Variants in MARK4 observed in about 807,000 individuals in gnomAD.
MARK4 encodes the protein microtubule affinity regulating kinase 4, also known as MAP/microtubule affinity-regulating kinase 4.
A neutral mutation model predicts 81.5 loss-of-function variants in MARK4; 19 were observed. That is an observed-to-expected ratio of 0.23 (90% confidence interval 0.16 to 0.34). MARK4 has a LOEUF of 0.34. MARK4 is among the 10% of genes least tolerant of loss of function. MARK4 has a pLI of 1.00. For missense variants in MARK4, 772 were observed against 1,058.8 expected (o/e 0.73, Z 3.76); for synonymous variants, 436 against 439.0 (o/e 0.99, Z 0.08).
chr19:45,298,076 C>T (rs1970914025), intron 15 of MARK4, 122 bp downstream of exon 15: 18 of 1,465,182 alleles, frequency 1.2e-5, no homozygotes, highest in Non-Finnish European at 1.6e-5. Context: ...TCCTCCTCCT[C>T]GTTTCCTCCT....
rs1203850303 is a variant in MARK4, at chr19:45,271,253, T to C, written c.550-219T>C. Among the ~76,000 whole-genome samples the C allele has an allele frequency of 1.3e-5, 2 of 152,184 alleles. No individual in the cohort carries two copies. Among genetic ancestry groups the C allele is most frequent in the East Asian group, 1.9e-4 (1 of 5,198 alleles). On this transcript the variant is annotated intron_variant, in intron 7 of 16. Coordinates refer to ENST00000262891, the MANE Select transcript of MARK4 (RefSeq NM_001199867.2). The surrounding 1 kb of genome is among the most constrained non-coding windows in gnomAD (Gnocchi z 4.1). ...TTAACTCATAATTCTCAAACTACGC[T>C]ATGAAATAGGAACTAAGATTATCCC...
intron 8 of MARK4, among the ~76,000 whole-genome samples, chr19:45,272,680 G>C (rs1970545084): frequency 6.6e-6 from 1 of 152,100 alleles, no homozygotes; most frequent in Non-Finnish European, 1.5e-5. Context: ...CTGAGGTCAG[G>C]AGTTCGAGAC....
At chr19:45,298,065 C>G (rs892387275) in intron 15 of MARK4, 111 bp downstream of exon 15, 5 of 1,543,158 alleles carry the variant, frequency 3.2e-6, no homozygotes, top group Admixed American at 3.7e-5. Flanking sequence ...CTTCCTCCTC[C>G]TCCTCCTCCT....
At chr19:45,263,403 C>T (rs1970405501) in intron 4 of MARK4, 36 bp downstream of exon 4, 1 of 1,613,626 alleles carries the variant, frequency 6.2e-7, no homozygotes, top group South Asian at 1.1e-5. Context: ...AGGCCACCAA[C>T]TGGAACACTT....
intron 15 of MARK4, 152 bp downstream of exon 15, chr19:45,298,106 T>A (rs1382484592): frequency 6.2e-7 from 1 of 1,602,654 alleles, no homozygotes; most frequent in African/African-American, 1.3e-5. Context: ...CCTTTCCTCC[T>A]CCCCTGTCAC....
intron 16 of MARK4, among the ~76,000 whole-genome samples, chr19:45,301,877 A>G (rs1970979180): frequency 6.6e-6 from 1 of 151,612 alleles, no homozygotes; most frequent in South Asian, 2.1e-4. Flanking sequence ...AAAAAAAAAA[A>G]AAAAAGAAAA....
intron 14 of MARK4, among the ~76,000 whole-genome samples, chr19:45,295,232 A>C (rs1599803193): frequency 6.6e-6 from 1 of 151,354 alleles, no homozygotes; most frequent in East Asian, 1.9e-4. Flanking sequence ...AGTGGTGGGC[A>C]CCTGTAGTCC....
At position 45,266,291 on chromosome 19, in the gene MARK4, C is replaced by G. The variant is rs765435325; in HGVS notation, c.549+10C>G. On this transcript the variant is annotated intron_variant, in intron 7 of 16. Transcript: ENST00000262891. ...ACACAGGGACCTGAAGGTAAGCCCC[C>G]GACCCGCTGTGATCTCAGGGACCAC... 2 of 1,613,568 alleles carry G rather than the reference C, an allele frequency of 1.2e-6. No individual in the cohort carries two copies. Among genetic ancestry groups the G allele is most frequent in the East Asian group, 2.2e-5 (1 of 44,888 alleles).
chr19:45,273,518 T>C (rs776915378), intron 8 of MARK4, among the ~76,000 whole-genome samples: 5 of 152,222 alleles, frequency 3.3e-5, no homozygotes, highest in Non-Finnish European at 5.9e-5. Context: ...CTATTTTTTT[T>C]TCCCAGTCGG....
rs557540583 is a variant in MARK4, at chr19:45,266,388, C to A, written c.549+107C>A. ...CGTGGCCTCCAGCAAATTCCTCCAG[C>A]CCTTTTCTCCTCCTGCTCTTCCCTC... On this transcript the variant is annotated intron_variant, in intron 7 of 16. Transcript: ENST00000262891. 4.4e-4 allele frequency: 445 copies of A among 1,022,436 alleles called. No individual in the cohort carries two copies. In the African/African-American group the frequency reaches 6.5e-3, roughly 15 times the overall value. 63.3% of individuals were successfully genotyped at this position (1,022,436 alleles called of 1,614,324 possible).
chr19:45,268,090 C>T (rs1970479120), intron 7 of MARK4, among the ~76,000 whole-genome samples: 1 of 152,058 alleles, frequency 6.6e-6, no homozygotes, highest in Admixed American at 6.6e-5. Context: ...GCCACTGTGC[C>T]CAGCCACAAA....
intron 2 of MARK4, among the ~76,000 whole-genome samples, chr19:45,262,079 C>T (rs1970387875): frequency 6.6e-6 from 1 of 152,126 alleles, no homozygotes; most frequent in South Asian, 2.1e-4. Flanking sequence ...CAAATCTGGG[C>T]CACAACTTAC....
rs920300845 is a variant in MARK4, at chr19:45,277,866, T to C, written c.787-57T>C. 5 of 1,393,246 alleles carry C rather than the reference T, an allele frequency of 3.6e-6. No homozygotes were observed. The South Asian group carries it at 6.5e-5, about 18-fold the overall frequency. 86.3% of individuals were successfully genotyped at this position (1,393,246 alleles called of 1,614,324 possible). On this transcript the variant is annotated intron_variant, in intron 8 of 16. Transcript: ENST00000262891. ...GTGTGTGTGTGTGTGTGTGTGTGTG[T>C]GTGTAATAGGTGGGGGGCGGGGCAG...
intron 14 of MARK4, 100 bp downstream of exon 14, chr19:45,294,552 T>A: frequency 9.8e-7 from 1 of 1,022,596 alleles, no homozygotes; most frequent in Admixed American, 2.0e-5. Context: ...GCTGGTGCCA[T>A]GGGGACCAGA....
rs60847753 is a variant in MARK4, at chr19:45,288,552, C to CA, written c.1494+905dup. ...TAGGTGACAGAGTGAGACTCCATTT[C>CA]AAAAAAAAAAAAAAAAAGCCAGGTG... On this transcript the variant is annotated intron_variant, in intron 13 of 16. Transcript: ENST00000262891. The CA allele has an allele frequency of 1.8e-3, 180 of 100,562 alleles. 2 individuals carry two copies. Among genetic ancestry groups the CA allele is most frequent in the Admixed American group, 4.9e-3 (43 of 8,722 alleles). 6.2% of individuals were successfully genotyped at this position (100,562 alleles called of 1,614,324 possible). A position where few individuals can be genotyped will look rare whatever the true frequency, so the allele number is the denominator to read the frequency against.
intron 6 of MARK4, 75 bp downstream of exon 6, chr19:45,264,985 C>A: frequency 1.4e-6 from 2 of 1,474,560 alleles, no homozygotes; most frequent in South Asian, 1.2e-5. Context: ...TGGGCATGGT[C>A]TGGGCTGTCC....
chr19:45,267,231 T>A (rs1970467413), intron 7 of MARK4, among the ~76,000 whole-genome samples: 1 of 152,116 alleles, frequency 6.6e-6, no homozygotes. Context: ...GCTATTTTTG[T>A]ATTTTTAGTA....
intron 4 of MARK4, 40 bp from the exon 5 acceptor site, chr19:45,264,644 C>G (rs1302615006): frequency 6.3e-7 from 1 of 1,599,812 alleles, no homozygotes; most frequent in Non-Finnish European, 8.6e-7. Context: ...AGGAGGGGCC[C>G]TTTCTCCCTA....
At chr19:45,282,337 A>AT (rs1462698914) in intron 12 of MARK4, among the ~76,000 whole-genome samples, 1 of 151,456 alleles carries the variant, frequency 6.6e-6, no homozygotes, top group African/African-American at 2.4e-5. Flanking sequence ...CCTCTCTTCT[A>AT]TTTTTTTTAA....
Sources: gnomAD v4.1 joint callset for allele counts (sites outside exome capture counted in the v4.1 genomes callset) on GRCh38, gnomAD v4.1.1 for gene constraint, Gnocchi (gnomAD v3.1) non-coding constraint, MANE v1.5 for transcripts, NCBI Gene and HGNC (gene_info 2026-07-23, HGNC 2026-07-21) for gene names.